The following NPAS3 variants were observed in gnomAD, a reference collection of about 807,000 sequenced individuals.
The protein encoded by NPAS3 is neuronal PAS domain-containing protein 3.
A neutral mutation model predicts 73.1 loss-of-function variants in NPAS3; 14 were observed. The ratio of observed to expected loss-of-function variants is 0.19; its 90% CI spans 0.13 to 0.30. The LOEUF (loss-of-function observed/expected upper bound fraction) is 0.30, where lower values mean the gene tolerates loss of function less well. NPAS3 is among the 10% of genes least tolerant of loss of function. The probability of loss-of-function intolerance (pLI) is 1.00; values close to 1 mark genes in which losing one functional copy is unlikely to be tolerated. For synonymous variants in NPAS3, 620 were observed against 541.5 expected, an observed-to-expected ratio of 1.14 and a Z score of -2.01; for missense variants, 1,096 against 1,250.0, an observed-to-expected ratio of 0.88 and a Z score of 1.86.
intron 4 of NPAS3, among the ~76,000 whole-genome samples, chr14:33,522,841 G>A (rs530684049): frequency 5.3e-5 from 8 of 152,162 alleles, no homozygotes; most frequent in South Asian, 2.1e-4. Context: ...TGGTGCTTGC[G>A]GTGTGGAGAA....
At chr14:33,210,465 G>T (rs1186500678) in intron 2 of NPAS3, among the ~76,000 whole-genome samples, 1 of 152,134 alleles carries the variant, frequency 6.6e-6, no homozygotes, top group Non-Finnish European at 1.5e-5. Context: ...CAGCTGCTGT[G>T]CAGCTTCCCC....
intron 5 of NPAS3, among the ~76,000 whole-genome samples, chr14:33,622,975 C>G (rs187744654): frequency 6.6e-6 from 1 of 152,204 alleles, no homozygotes; most frequent in African/African-American, 2.4e-5. Context: ...CTTTTATTAT[C>G]CTGACTACCA....
intron 4 of NPAS3, among the ~76,000 whole-genome samples, chr14:33,441,115 A>G (rs2049228593): frequency 1.3e-5 from 2 of 152,200 alleles, no homozygotes. Flanking sequence ...TGTGCACCAG[A>G]AGATTGTGGA....
intron 6 of NPAS3, among the ~76,000 whole-genome samples, chr14:33,699,620 C>G (rs113615390): frequency 2.6e-5 from 4 of 152,244 alleles, no homozygotes; most frequent in African/African-American, 7.2e-5. Flanking sequence ...ATGCTGAAAC[C>G]CTTTGCCTCG....
intron 1 of NPAS3, among the ~76,000 whole-genome samples, chr14:32,946,975 G>A (rs540098188): frequency 1.3e-5 from 2 of 152,002 alleles, no homozygotes; most frequent in Admixed American, 6.6e-5. Context: ...CTGTGAGTTG[G>A]GTACCTAGTG....
At chr14:33,607,133 C>T (rs1161536234) in intron 5 of NPAS3, among the ~76,000 whole-genome samples, 4 of 152,094 alleles carry the variant, frequency 2.6e-5, no homozygotes, top group Non-Finnish European at 1.5e-5. Flanking sequence ...AAAAGTTAAG[C>T]ATATGCATAC....
intron 2 of NPAS3, among the ~76,000 whole-genome samples, chr14:33,183,254 C>T (rs61972679): frequency 0.27 from 41,637 of 151,522 alleles, 7,115 homozygotes; most frequent in Non-Finnish European, 0.4. Flanking sequence ...GGTGAAACCC[C>T]GTCTCTACGA....
At chr14:33,506,168 C>T (rs755592095) in intron 4 of NPAS3, among the ~76,000 whole-genome samples, 3 of 151,910 alleles carry the variant, frequency 2.0e-5, no homozygotes, top group Non-Finnish European at 4.4e-5. Flanking sequence ...TTTACTTGTT[C>T]GTCATCTGTC....
chr14:33,627,737 A>T (rs1386420860), intron 5 of NPAS3, among the ~76,000 whole-genome samples: 2 of 152,222 alleles, frequency 1.3e-5, no homozygotes, highest in Non-Finnish European at 2.9e-5. Flanking sequence ...AGTGTTGATG[A>T]ACACATCTGT....
intron 5 of NPAS3, among the ~76,000 whole-genome samples, chr14:33,630,171 C>A (rs2058339292): frequency 6.6e-6 from 1 of 152,110 alleles, no homozygotes; most frequent in Non-Finnish European, 1.5e-5. Flanking sequence ...ATTACCAAGT[C>A]AATTTTGAGT....
chr14:33,339,852 T>A (rs761670393), intron 3 of NPAS3, among the ~76,000 whole-genome samples: 19 of 152,186 alleles, frequency 1.2e-4, no homozygotes, highest in Non-Finnish European at 2.1e-4. Flanking sequence ...AATGTCTATA[T>A]GAGTGTATGT....
At chr14:33,013,604 T>C (rs1239583672) in intron 1 of NPAS3, among the ~76,000 whole-genome samples, 2 of 152,102 alleles carry the variant, frequency 1.3e-5, no homozygotes, top group Non-Finnish European at 2.9e-5. Context: ...CATCTATACA[T>C]TTAAAATATA....
At chr14:33,479,524 C>A (rs778860542) in intron 4 of NPAS3, among the ~76,000 whole-genome samples, 29 of 152,136 alleles carry the variant, frequency 1.9e-4, no homozygotes, top group Non-Finnish European at 3.4e-4. Context: ...AAGTTACCCC[C>A]AAAGGAATTT....
In NPAS3 at chr14:33,253,218, G is replaced by A. The variant is rs141463240; in HGVS notation, c.385+37792G>A. On this transcript the variant is annotated intron_variant, in intron 3 of 11. Coordinates refer to ENST00000356141, the Ensembl canonical transcript of NPAS3. ...CTTCATGCTGTTTTCCATAGAGGCTGAACTAATTTACATTCTCAACAGTGT... is the reference window on the plus strand; with the variant it reads ...CTTCATGCTGTTTTCCATAGAGGCTAAACTAATTTACATTCTCAACAGTGT... Among the ~76,000 whole-genome samples the A allele has an allele frequency of 9.2e-5, 14 of 152,216 alleles. 1 individual carries two copies. In the East Asian group the frequency reaches 2.7e-3, roughly 29 times the overall value.
At chr14:33,435,119 C>T (rs898190484) in intron 4 of NPAS3, among the ~76,000 whole-genome samples, 4 of 152,110 alleles carry the variant, frequency 2.6e-5, no homozygotes, top group African/African-American at 9.7e-5. Flanking sequence ...TGTTTCTACT[C>T]ATCAAACACA....
intron 5 of NPAS3, among the ~76,000 whole-genome samples, chr14:33,597,055 G>A (rs2057263985): frequency 1.3e-5 from 2 of 152,192 alleles, no homozygotes; most frequent in Admixed American, 1.3e-4. Flanking sequence ...TAAATCAAAG[G>A]CGGTCTTGTA....
chr14:33,176,651 G>C (rs989544951), intron 2 of NPAS3, among the ~76,000 whole-genome samples: 1 of 152,004 alleles, frequency 6.6e-6, no homozygotes, highest in African/African-American at 2.4e-5. Context: ...TCCACCTTTT[G>C]GCTATTTTGA....
intron 1 of NPAS3, among the ~76,000 whole-genome samples, chr14:32,999,847 A>G (rs917675433): frequency 6.6e-6 from 1 of 152,240 alleles, no homozygotes; most frequent in African/African-American, 2.4e-5. Context: ...CCTGAATATT[A>G]TAACTTAGGA....
At chr14:33,774,274 G>T in intron 7 of NPAS3, 63 bp from the exon 8 acceptor site, 1 of 1,352,686 alleles carries the variant, frequency 7.4e-7, no homozygotes, top group South Asian at 1.3e-5. Context: ...TTTCTCATAA[G>T]AAATGCTGTT....
Sources: allele counts gnomAD v4.1 joint callset (sites outside exome capture counted in the v4.1 genomes callset), GRCh38; gene constraint gnomAD v4.1.1; transcripts MANE v1.5; gene names NCBI Gene and HGNC (gene_info 2026-07-23, HGNC 2026-07-21).